Variants in SATB2 observed in about 807,000 individuals in gnomAD.
SATB2 encodes the protein DNA-binding protein SATB2.
In SATB2, 1 loss-of-function variant was observed where a neutral mutation model predicts 73.4. The observed-to-expected ratio is 0.01, with a 90% CI of 0.00 to 0.06. The LOEUF (loss-of-function observed/expected upper bound fraction) is 0.06, where lower values mean the gene tolerates loss of function less well. Ranked by LOEUF, SATB2 falls within the 10% of genes least tolerant of loss-of-function variation. The pLI is 1.00. For synonymous variants in SATB2, 397 were observed against 367.0 expected, an observed-to-expected ratio of 1.08 and a Z score of -0.93; for missense variants, 459 against 945.8, an observed-to-expected ratio of 0.49 and a Z score of 6.75.
At chr2:199,458,165 G>A (rs934627671), upstream of SATB2, 1 of 180,060 alleles carries the variant, frequency 5.6e-6, no homozygotes, top group African/African-American at 2.8e-5. Flanking sequence ...CTAAACCCAA[G>A]CCAGACTGGT....
chr2:199,438,056 G>A (rs1214561811), intron 2 of SATB2, among the ~76,000 whole-genome samples: 1 of 152,040 alleles, frequency 6.6e-6, no homozygotes, highest in Non-Finnish European at 1.5e-5. Context: ...GTCTCAAATT[G>A]AGATGTGTCG....
At chr2:199,326,252 G>C (rs758562996) in intron 8 of SATB2, among the ~76,000 whole-genome samples, 2 of 152,072 alleles carry the variant, frequency 1.3e-5, no homozygotes, top group Non-Finnish European at 2.9e-5. Context: ...TTACCCAAGA[G>C]AAAAAGACAA....
intron 2 of SATB2, among the ~76,000 whole-genome samples, chr2:199,439,656 A>G (rs1158855176): frequency 1.3e-5 from 2 of 152,156 alleles, no homozygotes; most frequent in South Asian, 4.1e-4. Context: ...GAAAATCAAA[A>G]CAACGATTTA....
At chr2:199,391,470 G>C (rs750716951) in intron 3 of SATB2, among the ~76,000 whole-genome samples, 12 of 150,000 alleles carry the variant, frequency 8.0e-5, no homozygotes, top group Non-Finnish European at 1.8e-4. Flanking sequence ...CAAAAAACGA[G>C]TATTTTAATA....
chr2:199,300,448 A>T (rs1687250643), intron 10 of SATB2, among the ~76,000 whole-genome samples: 1 of 152,084 alleles, frequency 6.6e-6, no homozygotes, highest in South Asian at 2.1e-4. Context: ...ACCAGAAGGA[A>T]AAAACTATGA....
In SATB2 at chr2:199,290,768, T is replaced by C. The variant is rs1692833633; in HGVS notation, c.1740+17992A>G. The stretch of plus-strand genomic sequence containing the variant: ...ATAAAAACTGACATATTCATCAGTT[T>C]GCTTCTCTCTCTCCCTCCCCAATCT... On this transcript the variant is annotated intron_variant, in intron 10 of 10. Transcript: ENST00000417098. Among the ~76,000 whole-genome samples, 3 of 152,318 alleles carry C rather than the reference T, an allele frequency of 2.0e-5. No individual in the cohort carries two copies. The South Asian group carries it at 6.2e-4, about 32-fold the overall frequency.
In SATB2 at chr2:199,348,993, C is replaced by CTCA. The variant is rs1559175115; in HGVS notation, c.878_880dup (p.Met293dup). On this transcript the variant is annotated inframe_insertion, in exon 7 of 11. Transcript: ENST00000417098. ...AAGCTGGGGAGAAAGAAGACCAGGG[C>CTCA]TCATGATGGGCTGTAATGCGGGCAC... The CTCA allele has an allele frequency of 6.2e-7, 1 of 1,614,104 alleles. No individual in the cohort carries two copies.
chr2:199,338,392 A>G (rs976806873), intron 7 of SATB2, among the ~76,000 whole-genome samples: 3 of 152,030 alleles, frequency 2.0e-5, no homozygotes, highest in Admixed American at 6.6e-5. Flanking sequence ...AAGAAAAAAA[A>G]AAAAGTGCAG....
intron 3 of SATB2, among the ~76,000 whole-genome samples, chr2:199,402,306 AC>A (rs1483056050): frequency 6.6e-6 from 1 of 152,068 alleles, no homozygotes; most frequent in East Asian, 1.9e-4. Flanking sequence ...AATCACTTGA[AC>A]CCGGAAGGTG....
In SATB2 at chr2:199,272,101, C is replaced by CA. The variant is rs1026607372; in HGVS notation, c.*109dup. The CA allele has an allele frequency of 2.8e-5, 31 of 1,115,048 alleles. No homozygotes were observed. Among genetic ancestry groups the CA allele is most frequent in the Non-Finnish European group, 3.2e-5 (24 of 745,224 alleles). 69.1% of individuals were successfully genotyped at this position (1,115,048 alleles called of 1,614,324 possible). A position where few individuals can be genotyped will look rare whatever the true frequency, so the allele number is the denominator to read the frequency against. ...AGACATAAAAAGACAAAAATAAAGCCAAAAAAACCCAAAAACAAAAACAAA... is the reference window on the plus strand; with the variant it reads ...AGACATAAAAAGACAAAAATAAAGCCAAAAAAAACCCAAAAACAAAAACAAA... On this transcript the variant is annotated 3_prime_UTR_variant, in exon 11 of 11. Transcript: ENST00000417098. The surrounding 1 kb of genome is among the most constrained non-coding windows in gnomAD (Gnocchi z 6.7).
chr2:199,378,438 A>G (rs2105862979), intron 5 of SATB2, among the ~76,000 whole-genome samples: 1 of 152,368 alleles, frequency 6.6e-6, no homozygotes, highest in African/African-American at 2.4e-5. Flanking sequence ...TATCACCAGT[A>G]TAATCAAAAT....
intron 10 of SATB2, among the ~76,000 whole-genome samples, chr2:199,295,037 T>C (rs1000826616): frequency 2.0e-4 from 30 of 152,226 alleles, no homozygotes; most frequent in Non-Finnish European, 2.9e-5. Context: ...AATTATGGAC[T>C]CATTATGCTA....
intron 6 of SATB2, among the ~76,000 whole-genome samples, chr2:199,351,255 G>A (rs772417190): frequency 6.0e-5 from 9 of 150,826 alleles, no homozygotes; most frequent in South Asian, 2.1e-4. Flanking sequence ...TCTGCCTCTC[G>A]GGTTCAAGTG....
intron 3 of SATB2, among the ~76,000 whole-genome samples, chr2:199,388,922 T>C (rs569696243): frequency 1.3e-5 from 2 of 152,196 alleles, no homozygotes; most frequent in African/African-American, 4.8e-5. Context: ...TGTGTTCATA[T>C]GCTATAGCAT....
In SATB2 at chr2:199,463,235, G is replaced by T. The variant is rs1261127756; in HGVS notation, c.-141+1601C>A. ...GGGTCCCCTTCTGCAACCACGCTGC[G>T]AGAGAATGACTGCCCTGCTAATCTA... On this transcript the variant is annotated intron_variant, in intron 1 of 11. Coordinates refer to the SATB2 transcript ENST00000260926. This position sits in a 1 kb window ranked among gnomAD's most constrained non-coding sequence, Gnocchi z 6.4. Among the ~76,000 whole-genome samples, 1 of 152,154 alleles carries T rather than the reference G, an allele frequency of 6.6e-6. No individual in the cohort carries two copies. Among genetic ancestry groups the T allele is most frequent in the Non-Finnish European group, 1.5e-5 (1 of 68,018 alleles).
intron 3 of SATB2, chr2:199,397,614 C>T (rs1032647336): frequency 8.2e-5 from 15 of 182,290 alleles, no homozygotes; most frequent in South Asian, 2.4e-4. Context: ...GATGGCTGGG[C>T]GCGATGGCTC....
At chr2:199,419,592 C>T (rs1016642884) in intron 3 of SATB2, among the ~76,000 whole-genome samples, 9 of 152,142 alleles carry the variant, frequency 5.9e-5, no homozygotes, top group Admixed American at 2.0e-4. Context: ...AAAGCAGTGC[C>T]GCCTGGGAAC....
intron 3 of SATB2, chr2:199,397,692 C>A (rs1029020703): frequency 4.8e-5 from 14 of 291,134 alleles, no homozygotes; most frequent in African/African-American, 3.0e-4. Flanking sequence ...AGTTCCAGAC[C>A]AGCCTGGCCA....
At chr2:199,438,217 G>A (rs1401228961) in intron 2 of SATB2, among the ~76,000 whole-genome samples, 1 of 152,158 alleles carries the variant, frequency 6.6e-6, no homozygotes, top group Non-Finnish European at 1.5e-5. Flanking sequence ...AACTTTTAGT[G>A]TAGCTACTAG....
Sources: gnomAD v4.1 joint callset for allele counts (sites outside exome capture counted in the v4.1 genomes callset) on GRCh38, gnomAD v4.1.1 for gene constraint, Gnocchi (gnomAD v3.1) non-coding constraint, MANE v1.5 for transcripts, NCBI Gene and HGNC (gene_info 2026-07-23, HGNC 2026-07-21) for gene names.